GSPT2: variants seen among roughly 807,000 people sequenced by gnomAD.
GSPT2 encodes eukaryotic peptide chain release factor GTP-binding subunit ERF3B.
A neutral mutation model predicts 24.6 loss-of-function variants in GSPT2; 2 were observed. That is an observed-to-expected ratio of 0.08 (90% confidence interval 0.03 to 0.26). GSPT2 has a LOEUF of 0.26. Ranked by LOEUF, GSPT2 falls within the 10% of genes least tolerant of loss-of-function variation. The pLI is 1.00. For synonymous variants in GSPT2, 194 were observed against 189.3 expected (o/e 1.02, Z -0.20); for missense variants, 322 against 489.6 (o/e 0.66, Z 3.23).
rs782402209 is a variant in GSPT2 at position 51,743,784 on chromosome X, A to T, written c.158A>T (p.Asn53Ile). Reference protein sequence around the residue: ...PLSSAFSRKLNVNAKPFVPNV... With the variant: ...PLSSAFSRKLIVNAKPFVPNV... ...AGCTCGGCTTTCAGCCGTAAGCTCA[A>T]CGTCAACGCCAAGCCCTTCGTGCCT... The change falls in exon 1 of 1, where the codon AAC (asparagine) becomes ATC (isoleucine). Residue 53 changes from asparagine (N) to isoleucine (I), a missense_variant. Asn to Ile is a moderately radical substitution (Grantham distance 149). Coordinates refer to ENST00000340438, the MANE Select transcript of GSPT2 (RefSeq NM_018094.5). 16 of 1,210,187 alleles carry T rather than the reference A, an allele frequency of 1.3e-5. No individual in the cohort carries two copies. The South Asian group carries it at 2.8e-4, about 21-fold the overall frequency.
Position 51,745,030 on chromosome X carries a change from C to G in GSPT2, c.1404C>G (p.His468Gln), listed in dbSNP as rs1557348960. 1 of 1,206,795 alleles carries G rather than the reference C, an allele frequency of 8.3e-7. No individual in the cohort carries two copies. Among genetic ancestry groups the G allele is most frequent in the East Asian group, 3.0e-5 (1 of 33,814 alleles). The change falls in exon 1 of 1, where the codon CAC (histidine) becomes CAG (glutamine). Residue 468 changes from histidine to glutamine, a missense_variant. Coordinates refer to ENST00000340438, the MANE Select transcript of GSPT2 (RefSeq NM_018094.5). ...AGCTCGTGATGATGCCAAACAAGCA[C>G]AATGTAGAAGTTCTTGGAATACTTT... ...GQQLVMMPNK[H>Q]NVEVLGILSD...
chrX:51,744,365 A>G lies in GSPT2; in HGVS notation c.739A>G (p.Arg247Gly). 1 of 1,211,761 alleles carries G rather than the reference A, an allele frequency of 8.3e-7. No homozygotes were observed. The highest frequency in any genetic ancestry group is 1.1e-6 in the Non-Finnish European group (1 of 895,293). ...KYEREAKEKN[R>G]ETWYLSWALD... ...TGAAAGAGAAGCTAAGGAAAAAAAC[A>G]GAGAAACCTGGTATTTGTCCTGGGC... is the stretch of plus-strand genomic sequence containing the variant. Residue 247 changes from arginine to glycine, a missense_variant, in exon 1 of 1, where the codon AGA becomes GGA. Transcript: ENST00000340438.
rs782673762 is a variant in GSPT2 at position 51,745,267 on chromosome X, T to A, written c.1641T>A (p.Thr547=). 2 of 1,207,302 alleles carry A rather than the reference T, an allele frequency of 1.7e-6. No individual in the cohort carries two copies. Among genetic ancestry groups the A allele is most frequent in the Admixed American group, 4.3e-5 (2 of 46,039 alleles). Reference sequence around the variant, plus strand: ...ATAATGCGGTGCTGCACATTCATACTTGTATTGAGGAAGTTGAGATAACAG... The same window carrying A: ...ATAATGCGGTGCTGCACATTCATACATGTATTGAGGAAGTTGAGATAACAG... ...PGYNAVLHIH[T]CIEEVEITAL... The change falls in exon 1 of 1, where the codon ACT becomes ACA. Residue 547 remains threonine (T), a synonymous_variant. Transcript: ENST00000340438.
Position 51,744,023 on chromosome X carries a change from T to A in GSPT2, c.397T>A (p.Ser133Thr). ...CAATTCAGCCGTTACCATGGAACTT[T>A]CAGAACCTGTTGTAGAAAATGGAGA... The part of the protein sequence containing the change: ...GSNSAVTMEL[S>T]EPVVENGEVE... The change falls in exon 1 of 1, where the codon TCA (serine) becomes ACA (threonine). Residue 133 changes from serine (S) to threonine (T), a missense_variant. Physicochemically the swap from Ser to Thr is moderately conservative, Grantham distance 58. Around this residue, in one of 4 missense-constraint regions of GSPT2, gnomAD observed 125 missense variants for 121.3 expected, o/e 1.03. Coordinates refer to ENST00000340438, the MANE Select transcript of GSPT2 (RefSeq NM_018094.5). 1 of 1,210,447 alleles carries A rather than the reference T, an allele frequency of 8.3e-7. No individual in the cohort carries two copies. Among genetic ancestry groups the A allele is most frequent in the Non-Finnish European group, 1.1e-6 (1 of 894,924 alleles).
chrX:51,743,788 C>G lies in GSPT2; in HGVS notation c.162C>G (p.Val54=). The G allele has an allele frequency of 8.3e-7, 1 of 1,211,704 alleles. No individual in the cohort carries two copies. The highest frequency in any genetic ancestry group is 1.1e-6 in the Non-Finnish European group (1 of 895,354). ...LSSAFSRKLN[V]NAKPFVPNVH... is the part of the protein sequence containing the mutation. ...CGGCTTTCAGCCGTAAGCTCAACGT[C>G]AACGCCAAGCCCTTCGTGCCTAACG... Residue 54 remains valine, a synonymous_variant, in exon 1 of 1, where the codon GTC becomes GTG. Coordinates refer to ENST00000340438, the MANE Select transcript of GSPT2 (RefSeq NM_018094.5).
chrX:51,744,876 T>G lies in GSPT2; in HGVS notation c.1250T>G (p.Leu417Trp). The G allele has an allele frequency of 8.3e-7, 1 of 1,209,948 alleles. No homozygotes were observed. The highest frequency in any genetic ancestry group is 1.8e-5 in the South Asian group (1 of 56,917). ...WYTGLPFIPY[L>W]DNLPNFNRSI... Reference sequence around the variant, plus strand: ...ACTGGATTACCATTTATTCCGTATTTGGATAACTTGCCAAACTTCAACAGA... The same window carrying G: ...ACTGGATTACCATTTATTCCGTATTGGGATAACTTGCCAAACTTCAACAGA... Residue 417 changes from leucine to tryptophan, a missense_variant, in exon 1 of 1, where the codon TTG (leucine) becomes TGG (tryptophan). This residue lies in a region of GSPT2 where 117 missense variants were observed against 204.1 expected (regional missense o/e 0.57). Transcript: ENST00000340438.
rs147103223 is a variant in GSPT2, at chrX:51,743,694, C to G, written c.68C>G (p.Pro23Arg). 1 of 1,207,174 alleles carries G rather than the reference C, an allele frequency of 8.3e-7. No homozygotes were observed. Among genetic ancestry groups the G allele is most frequent in the Non-Finnish European group, 1.1e-6 (1 of 893,450 alleles). Residue 23 changes from proline to arginine, a missense_variant, in exon 1 of 1, where the codon CCG becomes CGG. Physicochemically the swap from Pro to Arg is moderately radical, Grantham distance 103. Coordinates refer to ENST00000340438, the MANE Select transcript of GSPT2 (RefSeq NM_018094.5). ...DCWDQVDMES[P>R]GSAPSGDGVS... ...TGGGACCAGGTGGACATGGAATCCC[C>G]GGGGTCGGCCCCGAGCGGGGATGGA... is the stretch of plus-strand genomic sequence containing the variant.
chrX:51,744,617 G>A lies in GSPT2; in HGVS notation c.991G>A (p.Glu331Lys), dbSNP rs1369402071. 2 of 1,209,804 alleles carry A rather than the reference G, an allele frequency of 1.7e-6. No homozygotes were observed. Among genetic ancestry groups the A allele is most frequent in the Non-Finnish European group, 2.2e-6 (2 of 895,188 alleles). The change falls in exon 1 of 1, where the codon GAA becomes AAA. Residue 331 changes from glutamate (E) to lysine (K), a missense_variant. Physicochemically the swap from Glu to Lys is moderately conservative, Grantham distance 56 (BLOSUM62 1). Transcript: ENST00000340438. ...ATTTGAAAAAGGTGGACAGACAAGA[G>A]AACATGCGATGTTGGCAAAAACGGC... ...TGFEKGGQTR[E>K]HAMLAKTAGV...
At position 51,745,035 on chromosome X, in the gene GSPT2, T is replaced by C. The variant is rs1923967339; in HGVS notation, c.1409T>C (p.Val470Ala). 8.3e-7 allele frequency: 1 copy of C among 1,204,524 alleles called. No individual in the cohort carries two copies. Among genetic ancestry groups the C allele is most frequent in the African/African-American group, 1.8e-5 (1 of 57,057 alleles). ...GTGATGATGCCAAACAAGCACAATG[T>C]AGAAGTTCTTGGAATACTTTCTGAT... is the stretch of plus-strand genomic sequence containing the variant. ...QLVMMPNKHN[V>A]EVLGILSDDT... Residue 470 changes from valine (V) to alanine (A), a missense_variant, in exon 1 of 1, where the codon GTA (valine) becomes GCA (alanine). This residue lies in a region of GSPT2 where 117 missense variants were observed against 204.1 expected (regional missense o/e 0.57). Coordinates refer to ENST00000340438, the MANE Select transcript of GSPT2 (RefSeq NM_018094.5).
Position 51,743,732 on chromosome X carries a change from G to C in GSPT2, c.106G>C (p.Val36Leu). ...GAGCGGGGATGGAGTCTCCTCTGCGGTGGCCGAGGCCCAGCGCGAGCCCCT... is the reference window on the plus strand; with the variant it reads ...GAGCGGGGATGGAGTCTCCTCTGCGCTGGCCGAGGCCCAGCGCGAGCCCCT... ...APSGDGVSSA[V>L]AEAQREPLSS... Residue 36 changes from valine (V) to leucine (L), a missense_variant, in exon 1 of 1, where the codon GTG becomes CTG. By Grantham distance (32) the Val-to-Leu change is conservative. Transcript: ENST00000340438. 1 of 1,210,676 alleles carries C rather than the reference G, an allele frequency of 8.3e-7. No homozygotes were observed. Among genetic ancestry groups the C allele is most frequent in the Non-Finnish European group, 1.1e-6 (1 of 894,680 alleles).
rs1222213905 is a variant in GSPT2, at chrX:51,743,526, C to T, written c.-101C>T. The stretch of plus-strand genomic sequence containing the variant: ...TGCAGCTAAGGTTCGTGTCGCTACC[C>T]CTTGGCCCTTCGCTCTTGCTGCCTT... On this transcript the variant is annotated 5_prime_UTR_variant, in exon 1 of 1. Coordinates refer to ENST00000340438, the MANE Select transcript of GSPT2 (RefSeq NM_018094.5). The T allele has an allele frequency of 1.3e-5, 9 of 697,775 alleles. No homozygotes were observed. In the East Asian group the frequency reaches 2.7e-4, roughly 21 times the overall value. The allele number at this position is 697,775 out of a possible 1,213,427, so 57.5% of individuals were successfully genotyped here.
chrX:51,743,662 C>G lies in GSPT2; in HGVS notation c.36C>G (p.Pro12=), dbSNP rs782240497. ...GCAGCAGCAGCAGCGACTCGGCGCC[C>G]GATTGCTGGGACCAGGTGGACATGG... ...DSGSSSSDSA[P]DCWDQVDMES... The change falls in exon 1 of 1, where the codon CCC becomes CCG. Residue 12 remains proline (P), a synonymous_variant. Coordinates refer to ENST00000340438, the MANE Select transcript of GSPT2 (RefSeq NM_018094.5). The G allele has an allele frequency of 3.3e-6, 4 of 1,202,091 alleles. No individual in the cohort carries two copies. The highest frequency in any genetic ancestry group is 2.3e-4 in the Middle Eastern group (1 of 4,295).
In GSPT2 at chrX:51,744,725, A is replaced by G; in HGVS notation, c.1099A>G (p.Lys367Glu). The G allele has an allele frequency of 8.3e-7, 1 of 1,210,908 alleles. No individual in the cohort carries two copies. Among genetic ancestry groups the G allele is most frequent in the Non-Finnish European group, 1.1e-6 (1 of 894,488 alleles). Residue 367 changes from lysine to glutamate, a missense_variant, in exon 1 of 1, where the codon AAA becomes GAA. Physicochemically the swap from Lys to Glu is moderately conservative, Grantham distance 56 (BLOSUM62 1). This residue lies in a region of GSPT2 where 117 missense variants were observed against 204.1 expected (regional missense o/e 0.57). Coordinates refer to ENST00000340438, the MANE Select transcript of GSPT2 (RefSeq NM_018094.5). ...NWSIERYEEC[K>E]EKLVPFLKKV... ...GAGCATCGAGAGATATGAAGAATGT[A>G]AAGAAAAACTGGTGCCCTTTTTGAA...
chrX:51,744,158 G>A lies in GSPT2; in HGVS notation c.532G>A (p.Glu178Lys). 1 of 1,209,653 alleles carries A rather than the reference G, an allele frequency of 8.3e-7. No individual in the cohort carries two copies. Among genetic ancestry groups the A allele is most frequent in the South Asian group, 1.8e-5 (1 of 56,561 alleles). Reference protein sequence around the residue: ...DSGPPEESGQEMMEEKEEIRK... With the variant: ...DSGPPEESGQKMMEEKEEIRK... ...AGGGCCCCCAGAAGAAAGTGGCCAG[G>A]AAATGATGGAGGAAAAAGAGGAAAT... The change falls in exon 1 of 1, where the codon GAA (glutamate) becomes AAA (lysine). Residue 178 changes from glutamate to lysine, a missense_variant. Transcript: ENST00000340438.
Position 51,743,605 on chromosome X carries a change from C to T in GSPT2, c.-22C>T, listed in dbSNP as rs781831334. 4.3e-5 allele frequency: 50 copies of T among 1,167,572 alleles called. No individual in the cohort carries two copies. The Admixed American group carries it at 1.1e-3, about 26-fold the overall frequency. The stretch of plus-strand genomic sequence containing the variant: ...GCCTGTTGAGCCCGCTCCCTCACTG[C>T]CACACAGCAAGTTCCGAGACCATGG... On this transcript the variant is annotated 5_prime_UTR_variant, in exon 1 of 1. Transcript: ENST00000340438.
chrX:51,744,477 C>T lies in GSPT2; in HGVS notation c.851C>T (p.Thr284Ile). 8.3e-7 allele frequency: 1 copy of T among 1,211,139 alleles called. No individual in the cohort carries two copies. The change falls in exon 1 of 1, where the codon ACA becomes ATA. Residue 284 changes from threonine (T) to isoleucine (I), a missense_variant. By Grantham distance (89) the Thr-to-Ile change is moderately conservative. Transcript: ENST00000340438. ...TTTGAAACAGAAAGGAAACATTTCA[C>T]AATTTTAGATGCCCCTGGCCACAAG... ...AYFETERKHF[T>I]ILDAPGHKSF...
In GSPT2 at chrX:51,745,045, T is replaced by C. The variant is rs1407840630; in HGVS notation, c.1419T>C (p.Leu473=). 8.3e-7 allele frequency: 1 copy of C among 1,204,540 alleles called. No homozygotes were observed. ...CAAACAAGCACAATGTAGAAGTTCT[T>C]GGAATACTTTCTGATGATACTGAAA... ...MMPNKHNVEV[L]GILSDDTETD... The change falls in exon 1 of 1, where the codon CTT becomes CTC. Residue 473 remains leucine (L), a synonymous_variant. Transcript: ENST00000340438.
In GSPT2 at chrX:51,743,642, A is replaced by G. The variant is rs1923937063; in HGVS notation, c.16A>G (p.Ser6Gly). 8.3e-7 allele frequency: 1 copy of G among 1,198,117 alleles called. No individual in the cohort carries two copies. Among genetic ancestry groups the G allele is most frequent in the Non-Finnish European group, 1.1e-6 (1 of 888,978 alleles). ...TTCCGAGACCATGGATTCGGGCAGC[A>G]GCAGCAGCGACTCGGCGCCCGATTG... MDSGS[S>G]SSDSAPDCWD... The change falls in exon 1 of 1, where the codon AGC becomes GGC. Residue 6 changes from serine to glycine, a missense_variant. By Grantham distance (56) the Ser-to-Gly change is moderately conservative. Around this residue, in one of 4 missense-constraint regions of GSPT2, gnomAD observed 125 missense variants for 121.3 expected, o/e 1.03. Coordinates refer to ENST00000340438, the MANE Select transcript of GSPT2 (RefSeq NM_018094.5).
chrX:51,743,853 C>G lies in GSPT2; in HGVS notation c.227C>G (p.Pro76Arg). 1.7e-6 allele frequency: 2 copies of G among 1,207,536 alleles called. No individual in the cohort carries two copies. Among genetic ancestry groups the G allele is most frequent in the Non-Finnish European group, 2.2e-6 (2 of 893,328 alleles). Reference sequence around the variant, plus strand: ...TTCGTGCCGTCCTTCCTGCGGGGCCCGACTCAGCCGCCCACCCTCCCGGCC... The same window carrying G: ...TTCGTGCCGTCCTTCCTGCGGGGCCGGACTCAGCCGCCCACCCTCCCGGCC... ...AEFVPSFLRG[P>R]TQPPTLPAGS... The change falls in exon 1 of 1, where the codon CCG becomes CGG. Residue 76 changes from proline to arginine, a missense_variant. Pro to Arg is a moderately radical substitution (Grantham distance 103). Coordinates refer to ENST00000340438, the MANE Select transcript of GSPT2 (RefSeq NM_018094.5).
Sources: allele counts gnomAD v4.1 joint callset, GRCh38; gene constraint gnomAD v4.1.1; regional missense constraint gnomAD v4.1.1; transcripts MANE v1.5; gene names NCBI Gene and HGNC (gene_info 2026-07-23, HGNC 2026-07-21).